The following RASGRP1 variants were observed in gnomAD, a reference collection of about 807,000 sequenced individuals.
RASGRP1 encodes the protein RAS guanyl-releasing protein 1.
In RASGRP1, 37 loss-of-function variants were observed where a neutral mutation model predicts 95.1. That is an observed-to-expected ratio of 0.39 (90% CI 0.30 to 0.51). The LOEUF is 0.51. RASGRP1 is among the 20% of genes least tolerant of loss of function. The pLI, the probability that RASGRP1 is intolerant of heterozygous loss-of-function variation, is 0.80. For synonymous variants in RASGRP1, 325 were observed against 353.4 expected, an observed-to-expected ratio of 0.92 and a Z score of 0.90; for missense variants, 711 against 965.4, an observed-to-expected ratio of 0.74 and a Z score of 3.49.
intron 2 of RASGRP1, among the ~76,000 whole-genome samples, chr15:38,544,214 G>A (rs948969868): frequency 6.6e-6 from 1 of 152,072 alleles, no homozygotes; most frequent in Admixed American, 6.5e-5. Flanking sequence ...TTGGAACTGC[G>A]TTATTTCCCA....
intron 14 of RASGRP1, 48 bp downstream of exon 14, chr15:38,500,055 G>A: frequency 6.3e-7 from 1 of 1,589,748 alleles, no homozygotes; most frequent in South Asian, 1.1e-5. Flanking sequence ...ATAGCAGCGT[G>A]AGAATGGACT....
At chr15:38,490,871 G>A (rs1451895164) in intron 16 of RASGRP1, among the ~76,000 whole-genome samples, 183 bp from the exon 17 acceptor site, 1 of 152,166 alleles carries the variant, frequency 6.6e-6, no homozygotes, top group African/African-American at 2.4e-5. Context: ...ACGAGCATTT[G>A]TAAGCAGCAG....
chr15:38,511,731 G>C lies in RASGRP1; in HGVS notation c.850-11C>G, dbSNP rs375589178. The stretch of plus-strand genomic sequence containing the variant: ...TAGTTGGTGGAGCTTCTGTGACACA[G>C]AAGACAGATGACAGCAGAGTCACTG... On this transcript the variant is annotated splice_polypyrimidine_tract_variant and intron_variant, in intron 7 of 16. Coordinates refer to ENST00000310803, the MANE Select transcript of RASGRP1 (RefSeq NM_005739.4). 2 of 1,595,386 alleles carry C rather than the reference G, an allele frequency of 1.3e-6. No individual in the cohort carries two copies. Among genetic ancestry groups the C allele is most frequent in the Non-Finnish European group, 8.6e-7 (1 of 1,163,944 alleles).
In RASGRP1 at chr15:38,516,461, CT is replaced by C. The variant is rs1187169959; in HGVS notation, c.522-112del. 7 of 1,348,510 alleles carry C rather than the reference CT, an allele frequency of 5.2e-6. No homozygotes were observed. The East Asian group carries it at 1.6e-4, about 32-fold the overall frequency. 83.5% of individuals were successfully genotyped at this position (1,348,510 alleles called of 1,614,324 possible). On this transcript the variant is annotated intron_variant, in intron 5 of 16. Transcript: ENST00000310803. Reference sequence around the variant, plus strand: ...GAATATACAAAACACCATTAGCTAACTTTCCTTGTGAATGCCAAAACAGTGC... The same window carrying C: ...GAATATACAAAACACCATTAGCTAACTTCCTTGTGAATGCCAAAACAGTGC...
In RASGRP1 at chr15:38,506,533, G is replaced by T. The variant is rs112463674; in HGVS notation, c.1243-613C>A. Among the ~76,000 whole-genome samples the T allele has an allele frequency of 5.9e-3, 889 of 151,642 alleles. 7 individuals are homozygous for T. Among genetic ancestry groups the T allele is most frequent in the African/African-American group, 0.02 (835 of 41,288 alleles). On this transcript the variant is annotated intron_variant, in intron 9 of 16. Coordinates refer to ENST00000310803, the MANE Select transcript of RASGRP1 (RefSeq NM_005739.4). ...GCCCGTGGTCCCAGCTACTCAGGAGGCTGAGGTGGGAGGATGGCTTGGACC... is the reference window on the plus strand; with the variant it reads ...GCCCGTGGTCCCAGCTACTCAGGAGTCTGAGGTGGGAGGATGGCTTGGACC...
chr15:38,532,945 G>C (rs1032801332), intron 2 of RASGRP1, among the ~76,000 whole-genome samples: 3 of 152,106 alleles, frequency 2.0e-5, no homozygotes, highest in African/African-American at 7.2e-5. Flanking sequence ...TTGCTGATAA[G>C]AGGTGGGGGC....
Position 38,488,565 on chromosome 15 carries a change from T to C in RASGRP1, c.*1989A>G, listed in dbSNP as rs1890445358. The C allele has an allele frequency of 6.6e-6, 1 of 152,034 alleles. No individual in the cohort carries two copies. The highest frequency in any genetic ancestry group is 2.1e-4 in the South Asian group (1 of 4,822). The allele number at this position is 152,034 out of a possible 1,614,324, so 9.4% of individuals were successfully genotyped here. On this transcript the variant is annotated 3_prime_UTR_variant, in exon 17 of 17. Coordinates refer to ENST00000310803, the MANE Select transcript of RASGRP1 (RefSeq NM_005739.4). ...ATAAATTCTGCAGTACTTGATACTG[T>C]TTAGCCATTGCTAATTTGACTAATT... is the stretch of plus-strand genomic sequence containing the variant.
chr15:38,550,239 C>A (rs1473384575), intron 2 of RASGRP1, among the ~76,000 whole-genome samples: 1 of 105,898 alleles, frequency 9.4e-6, no homozygotes, highest in Admixed American at 1.1e-4. Context: ...GAGACTCTGT[C>A]GCCAAAAAAA....
chr15:38,494,224 CCTCCCTGTTT>C, intron 16 of RASGRP1, 148 bp downstream of exon 16: 1 of 961,798 alleles, frequency 1.0e-6, no homozygotes, highest in East Asian at 2.7e-5. Flanking sequence ...TCCCTCTCTT[CCTCCCTGTTT>C]CTCCCTCCCT....
chr15:38,543,670 T>C (rs1892993749), intron 2 of RASGRP1, among the ~76,000 whole-genome samples: 1 of 146,064 alleles, frequency 6.8e-6, no homozygotes, highest in African/African-American at 2.6e-5. Flanking sequence ...TTGCATCCAC[T>C]ATAGTATTAA....
At chr15:38,551,148 C>T (rs1238183199) in intron 2 of RASGRP1, among the ~76,000 whole-genome samples, 1 of 152,100 alleles carries the variant, frequency 6.6e-6, no homozygotes, top group Non-Finnish European at 1.5e-5. Context: ...GAACAAGAAA[C>T]AGTCTAAATT....
chr15:38,541,852 G>C (rs1225636124), intron 2 of RASGRP1, among the ~76,000 whole-genome samples: 1 of 152,162 alleles, frequency 6.6e-6, no homozygotes, highest in Non-Finnish European at 1.5e-5. Flanking sequence ...AGGGCCTAGA[G>C]GGAGGTAAAC....
intron 15 of RASGRP1, among the ~76,000 whole-genome samples, chr15:38,497,288 T>A (rs575330614): frequency 2.2e-4 from 33 of 152,312 alleles, no homozygotes; most frequent in African/African-American, 7.7e-4. Context: ...TACCCTTTTT[T>A]AAATAGCTCC....
intron 2 of RASGRP1, among the ~76,000 whole-genome samples, chr15:38,557,087 C>G (rs955379364): frequency 5.3e-5 from 8 of 152,176 alleles, no homozygotes; most frequent in African/African-American, 1.2e-4. Context: ...AGAAACTAAC[C>G]AGTAAGGTAA....
At chr15:38,558,722 C>A (rs1241025191) in intron 2 of RASGRP1, among the ~76,000 whole-genome samples, 1 of 152,234 alleles carries the variant, frequency 6.6e-6, no homozygotes, top group Admixed American at 6.5e-5. Flanking sequence ...TTTAAACCAA[C>A]GTTGAAATAG....
At chr15:38,512,707 T>TA in intron 7 of RASGRP1, 76 bp downstream of exon 7, 1 of 1,562,194 alleles carries the variant, frequency 6.4e-7, no homozygotes, top group Non-Finnish European at 8.7e-7. Flanking sequence ...CTCTAATTAA[T>TA]AGACTAAGCT....
intron 2 of RASGRP1, among the ~76,000 whole-genome samples, chr15:38,548,956 G>A (rs1057366654): frequency 3.3e-5 from 5 of 152,210 alleles, no homozygotes; most frequent in African/African-American, 7.2e-5. Flanking sequence ...CACAATAAAT[G>A]TAGGGAGCTT....
chr15:38,499,248 G>A (rs902859837), intron 14 of RASGRP1: 36 of 487,960 alleles, frequency 7.4e-5, no homozygotes, highest in South Asian at 3.1e-4. Context: ...GAGACCCTCC[G>A]GAAACACTCA....
intron 3 of RASGRP1, among the ~76,000 whole-genome samples, chr15:38,525,851 T>TA (rs1471353917): frequency 6.6e-6 from 1 of 152,116 alleles, no homozygotes; most frequent in Non-Finnish European, 1.5e-5. Flanking sequence ...CCTGAAGCAA[T>TA]AAGGCACCAG....
Sources: allele counts gnomAD v4.1 joint callset (sites outside exome capture counted in the v4.1 genomes callset), GRCh38; gene constraint gnomAD v4.1.1; transcripts MANE v1.5; gene names NCBI Gene and HGNC (gene_info 2026-07-23, HGNC 2026-07-21).